Variants in OR9Q1 observed in about 807,000 individuals in gnomAD.
OR9Q1 encodes olfactory receptor family 9 subfamily Q member 1.
For missense variants in OR9Q1, 374 were observed against 378.8 expected, an observed-to-expected ratio of 0.99 and a Z score of 0.11; for synonymous variants, 153 against 148.6, an observed-to-expected ratio of 1.03 and a Z score of -0.22.
intron 1 of OR9Q1, among the ~76,000 whole-genome samples, chr11:58,030,103 A>G (rs1277437205): frequency 6.6e-6 from 1 of 152,068 alleles, no homozygotes; most frequent in Admixed American, 6.5e-5. Flanking sequence ...TAGACTCCCA[A>G]AGTGCTGGGA....
At chr11:58,101,063 A>T (rs1408649645) in intron 2 of OR9Q1, among the ~76,000 whole-genome samples, 1 of 152,136 alleles carries the variant, frequency 6.6e-6, no homozygotes, top group Non-Finnish European at 1.5e-5. Flanking sequence ...ATGGGTACAA[A>T]AATACAGTTA....
chr11:58,116,788 A>T (rs1853959335), intron 2 of OR9Q1: 1 of 152,202 alleles, frequency 6.6e-6, no homozygotes, highest in Non-Finnish European at 1.5e-5. Flanking sequence ...ATATTTGGTG[A>T]ATTATTTTAA....
At position 58,163,337 on chromosome 11, in the gene OR9Q1, C is replaced by G. The variant is rs538229400; in HGVS notation, c.-14-16094C>G. On this transcript the variant is annotated intron_variant, in intron 2 of 2. Coordinates refer to ENST00000335397, the MANE Select transcript of OR9Q1 (RefSeq NM_001005212.4). ...ATTTCAGCCCTGGTCTCTAGACCAC[C>G]TTTCTTAATCAAAAATGAGAAATGA... Among the ~76,000 whole-genome samples, 5 of 152,278 alleles carry G rather than the reference C, an allele frequency of 3.3e-5. No homozygotes were observed. The South Asian group carries it at 1.0e-3, about 32-fold the overall frequency.
chr11:58,041,607 G>A (rs558690928), intron 1 of OR9Q1: 7 of 152,564 alleles, frequency 4.6e-5, no homozygotes, highest in Non-Finnish European at 4.4e-5. Flanking sequence ...AGAAGTCAAG[G>A]GTTTTGGGGA....
chr11:58,095,955 C>T (rs1310661918), intron 2 of OR9Q1, among the ~76,000 whole-genome samples: 2 of 152,050 alleles, frequency 1.3e-5, no homozygotes, highest in African/African-American at 4.8e-5. Flanking sequence ...GTGGTAGAAG[C>T]TGGAGGTATA....
chr11:58,180,066 C>A lies in OR9Q1; in HGVS notation c.622C>A (p.Pro208Thr). The change falls in exon 3 of 3, where the codon CCT (proline) becomes ACT (threonine). Residue 208 changes from proline to threonine, a missense_variant. Physicochemically the swap from Pro to Thr is conservative, Grantham distance 38. Coordinates refer to ENST00000335397, the MANE Select transcript of OR9Q1 (RefSeq NM_001005212.4). The part of the protein sequence containing the change: ...LIIMFAIFVI[P>T]ASMVVILVSY... ...TATTATGTTTGCCATTTTTGTCATCCCTGCTTCCATGGTGGTGATCTTGGT... is the reference window on the plus strand; with the variant it reads ...TATTATGTTTGCCATTTTTGTCATCACTGCTTCCATGGTGGTGATCTTGGT... 2 of 1,614,146 alleles carry A rather than the reference C, an allele frequency of 1.2e-6. No homozygotes were observed. The highest frequency in any genetic ancestry group is 1.7e-6 in the Non-Finnish European group (2 of 1,180,024).
At chr11:58,123,349 C>T (rs1051607587) in intron 2 of OR9Q1, among the ~76,000 whole-genome samples, 4 of 152,208 alleles carry the variant, frequency 2.6e-5, no homozygotes, top group African/African-American at 9.6e-5. Context: ...CAACACCTTT[C>T]TCAGTATCTA....
chr11:58,059,687 CAAAAAAAAAAAAA>C lies in OR9Q1; in HGVS notation c.-15+3757_-15+3769del, dbSNP rs58893511. ...TGGGTGACTGAGTGAGGCTCTGTCTCAAAAAAAAAAAAAAAAAAAAAAAAAAAAAGGAAAGGGA... is the reference window on the plus strand; with the variant it reads ...TGGGTGACTGAGTGAGGCTCTGTCTCAAAAAAAAAAAAAAAAGGAAAGGGA... On this transcript the variant is annotated intron_variant, in intron 2 of 2. Transcript: ENST00000335397. 1.2e-3 allele frequency among the ~76,000 whole-genome samples: 49 copies of C among 40,192 alleles called. 2 individuals carry two copies. Among genetic ancestry groups the C allele is most frequent in the Non-Finnish European group, 1.1e-3 (27 of 23,638 alleles). 26.4% of individuals were successfully genotyped at this position (40,192 alleles called of 152,430 possible).
intron 2 of OR9Q1, among the ~76,000 whole-genome samples, chr11:58,142,387 A>G (rs955884205): frequency 2.0e-5 from 3 of 152,142 alleles, no homozygotes; most frequent in Admixed American, 6.6e-5. Flanking sequence ...CCCTTTGGCC[A>G]GGATGATTTA....
chr11:58,067,267 AC>A (rs1853439079), intron 2 of OR9Q1, among the ~76,000 whole-genome samples: 1 of 151,354 alleles, frequency 6.6e-6, no homozygotes, highest in African/African-American at 2.4e-5. Context: ...CCATCTCCTG[AC>A]CCCATGATCC....
rs897919092 is a variant in OR9Q1 at position 58,083,547 on chromosome 11, G to A, written c.-15+27600G>A. Among the ~76,000 whole-genome samples, 16 of 151,378 alleles carry A rather than the reference G, an allele frequency of 1.1e-4. No homozygotes were observed. The South Asian group carries it at 2.9e-3, about 28-fold the overall frequency. ...CATAAATTCTTTCCCAAGGCCAGAG[G>A]GTATTTCCTAGGTTCTCTTCTAGAT... On this transcript the variant is annotated intron_variant, in intron 2 of 2. Coordinates refer to ENST00000335397, the MANE Select transcript of OR9Q1 (RefSeq NM_001005212.4).
At chr11:58,082,770 TA>T (rs906445727) in intron 2 of OR9Q1, among the ~76,000 whole-genome samples, 3,703 of 95,970 alleles carry the variant, frequency 0.039, 83 homozygotes, top group Middle Eastern at 0.083. Flanking sequence ...ATAATAATAA[TA>T]AAAAGTTAGG....
At chr11:58,114,119 G>T (rs1355087559) in intron 2 of OR9Q1, among the ~76,000 whole-genome samples, 1 of 152,034 alleles carries the variant, frequency 6.6e-6, no homozygotes, top group Non-Finnish European at 1.5e-5. Context: ...CAGGTAGCAG[G>T]GCCAACAGTA....
intron 1 of OR9Q1, among the ~76,000 whole-genome samples, chr11:58,048,128 C>T (rs191752637): frequency 2.7e-4 from 41 of 152,254 alleles, no homozygotes; most frequent in African/African-American, 9.6e-4. Context: ...GAATAGGAAC[C>T]TATCCAGTTT....
chr11:58,129,592 T>A (rs1243025810), intron 2 of OR9Q1, among the ~76,000 whole-genome samples: 1 of 152,188 alleles, frequency 6.6e-6, no homozygotes, highest in East Asian at 1.9e-4. Flanking sequence ...CCCCAGCATA[T>A]TCTGGCCTCA....
At chr11:58,137,977 G>A (rs1854204924) in intron 2 of OR9Q1, among the ~76,000 whole-genome samples, 1 of 152,180 alleles carries the variant, frequency 6.6e-6, no homozygotes, top group Admixed American at 6.5e-5. Context: ...TGCATCATTT[G>A]AGGTCTGTTA....
At chr11:58,099,635 AG>A (rs1477150495) in intron 2 of OR9Q1, among the ~76,000 whole-genome samples, 1 of 152,118 alleles carries the variant, frequency 6.6e-6, no homozygotes, top group Non-Finnish European at 1.5e-5. Flanking sequence ...AGTAGCATAT[AG>A]GTGGATCTTA....
At chr11:58,153,871 G>A (rs1382571461) in intron 2 of OR9Q1, among the ~76,000 whole-genome samples, 1 of 152,128 alleles carries the variant, frequency 6.6e-6, no homozygotes, top group Non-Finnish European at 1.5e-5. Flanking sequence ...ATTGGATGGA[G>A]GAAGAATTAG....
intron 1 of OR9Q1, chr11:58,031,827 TCATCTACA>T: frequency 6.2e-7 from 1 of 1,614,136 alleles, no homozygotes; most frequent in Non-Finnish European, 8.5e-7. Context: ...CTCAATCCTC[TCATCTACA>T]GTCTTAGGAA....
Sources: allele counts gnomAD v4.1 joint callset (sites outside exome capture counted in the v4.1 genomes callset), GRCh38; gene constraint gnomAD v4.1.1; transcripts MANE v1.5; gene names NCBI Gene and HGNC (gene_info 2026-07-23, HGNC 2026-07-21).